The following ATP8A2 variants were observed in gnomAD, a reference collection of about 807,000 sequenced individuals.
ATP8A2 encodes phospholipid-transporting ATPase IB.
Under a neutral mutation model 165.6 loss-of-function variants are expected in ATP8A2, and 100 were observed. That is an observed-to-expected ratio of 0.60 (90% CI 0.51 to 0.71). ATP8A2 has a LOEUF of 0.71. Among genes scored for constraint, ATP8A2 ranks in the 30% least tolerant of loss-of-function variants. ATP8A2 has a pLI of 0.00. For synonymous variants in ATP8A2, 543 were observed against 548.8 expected (o/e 0.99, Z 0.15); for missense variants, 1,227 against 1,479.5 (o/e 0.83, Z 2.80).
intron 24 of ATP8A2, among the ~76,000 whole-genome samples, chr13:25,646,983 A>G (rs200831167): frequency 0.034 from 5,246 of 152,320 alleles, 153 homozygotes; most frequent in East Asian, 0.13. Flanking sequence ...TAAAAACTCA[A>G]GTTTGATTAC....
At chr13:25,608,301 A>G (rs2040570696) in intron 24 of ATP8A2, among the ~76,000 whole-genome samples, 1 of 152,246 alleles carries the variant, frequency 6.6e-6, no homozygotes. Flanking sequence ...AAGCATATCC[A>G]AACCATAGCG....
intron 24 of ATP8A2, among the ~76,000 whole-genome samples, chr13:25,660,542 T>C (rs1363923537): frequency 6.6e-6 from 1 of 152,128 alleles, no homozygotes; most frequent in Non-Finnish European, 1.5e-5. Context: ...CAGAGAGAGA[T>C]GGCAGTTTGG....
At chr13:25,646,607 A>T (rs2041677769) in intron 24 of ATP8A2, among the ~76,000 whole-genome samples, 1 of 137,126 alleles carries the variant, frequency 7.3e-6, no homozygotes, top group South Asian at 2.6e-4. Flanking sequence ...GTGAGCCAAG[A>T]TCGTGCCTCT....
chr13:25,697,011 A>G (rs1026109948), intron 24 of ATP8A2, among the ~76,000 whole-genome samples: 2 of 152,216 alleles, frequency 1.3e-5, no homozygotes, highest in African/African-American at 4.8e-5. Context: ...TATTGCAAGA[A>G]TTACCAAAAT....
chr13:25,894,900 G>A (rs1025112492), intron 33 of ATP8A2, among the ~76,000 whole-genome samples: 1 of 152,126 alleles, frequency 6.6e-6, no homozygotes, highest in African/African-American at 2.4e-5. Context: ...CTGAGACTTT[G>A]CTGAAGTTGC....
At chr13:25,754,771 GAT>G (rs1384297649) in intron 25 of ATP8A2, among the ~76,000 whole-genome samples, 1 of 152,118 alleles carries the variant, frequency 6.6e-6, no homozygotes, top group African/African-American at 2.4e-5. Context: ...AGATTATTAT[GAT>G]AGAGAATAAT....
At chr13:25,630,840 A>T (rs1051673685) in intron 24 of ATP8A2, among the ~76,000 whole-genome samples, 2 of 152,172 alleles carry the variant, frequency 1.3e-5, no homozygotes, top group Admixed American at 6.5e-5. Context: ...TCTATTAAAA[A>T]AAAAATCCTT....
At chr13:25,438,081 A>G (rs1411255894) in intron 1 of ATP8A2, among the ~76,000 whole-genome samples, 1 of 152,154 alleles carries the variant, frequency 6.6e-6, no homozygotes, top group Non-Finnish European at 1.5e-5. Context: ...AAATCAGTGA[A>G]TGTCCTTAGG....
chr13:25,808,725 G>T (rs1431263654), intron 27 of ATP8A2, among the ~76,000 whole-genome samples: 1 of 151,894 alleles, frequency 6.6e-6, no homozygotes, highest in Non-Finnish European at 1.5e-5. Context: ...TTGAGGTACT[G>T]TGCCTGGCCC....
chr13:25,943,147 G>A (rs1955116542), intron 33 of ATP8A2, among the ~76,000 whole-genome samples: 1 of 151,996 alleles, frequency 6.6e-6, no homozygotes, highest in South Asian at 2.1e-4. Flanking sequence ...GTCCAGAGTG[G>A]GCCATCTGGA....
Position 25,750,638 on chromosome 13 carries a change from A to G in ATP8A2, c.2385-18408A>G, listed in dbSNP as rs959291473. Among the ~76,000 whole-genome samples, 4 of 152,144 alleles carry G rather than the reference A, an allele frequency of 2.6e-5. No homozygotes were observed. The highest frequency in any genetic ancestry group is 4.8e-5 in the African/African-American group (2 of 41,422). ...CTAGAAATGAGTGTGTTCCAGTAAT[A>G]GGGAGGAAGTGTGGGGAGCCTGGGG... On this transcript the variant is annotated intron_variant, in intron 25 of 36. Transcript: ENST00000381655. The surrounding 1 kb of genome is among the most constrained non-coding windows in gnomAD (Gnocchi z 4.3).
At position 25,553,797 on chromosome 13, in the gene ATP8A2, C is replaced by T. The variant is rs2038895305; in HGVS notation, c.1062C>T (p.Thr354=). The change falls in exon 12 of 37, where the codon ACC becomes ACT. Residue 354 remains threonine (T), a synonymous_variant. Transcript: ENST00000381655. ...TACTCTGGTTTCCTTCCACAGACAC[C>T]ACCTCAGATAATTTTGGATACAACC... ...EKNWYIKKMD[T]TSDNFGYNLL... The T allele has an allele frequency of 6.2e-7, 1 of 1,612,144 alleles. No homozygotes were observed. The highest frequency in any genetic ancestry group is 8.5e-7 in the Non-Finnish European group (1 of 1,179,318).
intron 30 of ATP8A2, among the ~76,000 whole-genome samples, chr13:25,852,536 C>T (rs1490013266): frequency 6.6e-6 from 1 of 152,192 alleles, no homozygotes; most frequent in African/African-American, 2.4e-5. Context: ...GCAGTTCTCT[C>T]CTGGATATTT....
chr13:25,450,599 T>C (rs1025139234), intron 1 of ATP8A2, among the ~76,000 whole-genome samples: 3 of 152,094 alleles, frequency 2.0e-5, no homozygotes, highest in Non-Finnish European at 4.4e-5. Flanking sequence ...TGGTGTGATC[T>C]CGGCTCACTG....
At chr13:25,966,053 A>G (rs1218376437) in intron 34 of ATP8A2, among the ~76,000 whole-genome samples, 2 of 148,774 alleles carry the variant, frequency 1.3e-5, no homozygotes, top group East Asian at 3.9e-4. Context: ...AAAGGATGGA[A>G]AGTTCAAGAT....
intron 1 of ATP8A2, among the ~76,000 whole-genome samples, chr13:25,390,220 C>T (rs977931277): frequency 1.3e-5 from 2 of 152,198 alleles, no homozygotes; most frequent in African/African-American, 2.4e-5. Flanking sequence ...TCTTGAACTC[C>T]TGACCTCAAG....
At chr13:25,428,225 A>C (rs1267910914) in intron 1 of ATP8A2, among the ~76,000 whole-genome samples, 1 of 152,196 alleles carries the variant, frequency 6.6e-6, no homozygotes, top group African/African-American at 2.4e-5. Context: ...AAACTTAAAA[A>C]AAAGAAGTGG....
chr13:25,966,732 G>A (rs1433087470), intron 34 of ATP8A2, among the ~76,000 whole-genome samples: 1 of 152,198 alleles, frequency 6.6e-6, no homozygotes, highest in Non-Finnish European at 1.5e-5. Context: ...GCCCTCTGAG[G>A]CCATGTTGTG....
At chr13:25,656,337 A>G (rs1342158711) in intron 24 of ATP8A2, among the ~76,000 whole-genome samples, 2 of 150,766 alleles carry the variant, frequency 1.3e-5, no homozygotes, top group African/African-American at 4.9e-5. Context: ...GTGCAGTGGC[A>G]TGATCTCAGC....
Sources: allele counts gnomAD v4.1 joint callset (sites outside exome capture counted in the v4.1 genomes callset), GRCh38; gene constraint gnomAD v4.1.1; non-coding constraint Gnocchi (gnomAD v3.1); transcripts MANE v1.5; gene names NCBI Gene and HGNC (gene_info 2026-07-23, HGNC 2026-07-21).